The following MICALL2 variants were observed in gnomAD, a reference collection of about 807,000 sequenced individuals.
The protein encoded by MICALL2 is MICAL like 2.
MICALL2 carries 111 observed loss-of-function variants against 91.1 expected under a neutral mutation model. The observed-to-expected ratio is 1.22, with a 90% CI of 1.04 to 1.43. The LOEUF is 1.43. MICALL2 is among the 40% of genes most tolerant of loss of function. The pLI is 0.00. For missense variants in MICALL2, 1,556 were observed against 1,236.0 expected, an observed-to-expected ratio of 1.26 and a Z score of -3.88; for synonymous variants, 694 against 525.3, an observed-to-expected ratio of 1.32 and a Z score of -4.39.
At chr7:1,443,668 G>A (rs562856006) in intron 6 of MICALL2, among the ~76,000 whole-genome samples, 1 of 152,292 alleles carries the variant, frequency 6.6e-6, no homozygotes, top group African/African-American at 2.4e-5. Context: ...CATGGAAACG[G>A]AGGCAGAGAC....
In MICALL2 at chr7:1,444,865, T is replaced by G. The variant is rs376714028; in HGVS notation, c.1205A>C (p.Asp402Ala). 70 of 1,599,306 alleles carry G rather than the reference T, an allele frequency of 4.4e-5. No homozygotes were observed. In the South Asian group the frequency reaches 7.6e-4, roughly 17 times the overall value. ...SSSSTSAATV[D>A]PPAWTPSASR... The stretch of plus-strand genomic sequence containing the variant: ...GGCGGACGGGGTCCAGGCTGGGGGG[T>G]CCACCGTGGCTGCAGATGTGGAGCT... The change falls in exon 6 of 17, where the codon GAC becomes GCC. Residue 402 changes from aspartate (D) to alanine (A), a missense_variant. Physicochemically the swap from Asp to Ala is moderately radical, Grantham distance 126. Transcript: ENST00000297508.
intron 5 of MICALL2, 115 bp from the exon 6 acceptor site, chr7:1,445,543 T>C: frequency 9.8e-7 from 1 of 1,022,918 alleles, no homozygotes; most frequent in Non-Finnish European, 1.4e-6. Context: ...GCGAGGTTGC[T>C]GAACGCCCGC....
chr7:1,440,699 A>C lies in MICALL2; in HGVS notation c.1712-15T>G. 6.2e-7 allele frequency: 1 copy of C among 1,606,138 alleles called. No individual in the cohort carries two copies. Among genetic ancestry groups the C allele is most frequent in the Non-Finnish European group, 8.5e-7 (1 of 1,176,646 alleles). ...GGTGCTCATGTCTGGGTGGGAGGCAAGGGGTCTGGGTGTGAGGAAGGAGTG... is the reference window on the plus strand; with the variant it reads ...GGTGCTCATGTCTGGGTGGGAGGCACGGGGTCTGGGTGTGAGGAAGGAGTG... On this transcript the variant is annotated splice_polypyrimidine_tract_variant and intron_variant, in intron 7 of 16. Transcript: ENST00000297508.
chr7:1,440,667 G>T lies in MICALL2; in HGVS notation c.1729C>A (p.Gln577Lys). ...TLTQDMSTSL[Q>K]EGQEDGPAGW... ...GCCGGCCCGTCCTCCTGGCCTTCCTGGAGGCTGGTGCTCATGTCTGGGTGG... is the reference window on the plus strand; with the variant it reads ...GCCGGCCCGTCCTCCTGGCCTTCCTTGAGGCTGGTGCTCATGTCTGGGTGG... The change falls in exon 8 of 17, where the codon CAG becomes AAG. Residue 577 changes from glutamine to lysine, a missense_variant. Transcript: ENST00000297508. 6.2e-7 allele frequency: 1 copy of T among 1,612,114 alleles called. No individual in the cohort carries two copies. The highest frequency in any genetic ancestry group is 2.2e-5 in the East Asian group (1 of 44,874).
Position 1,440,596 on chromosome 7 carries a change from A to G in MICALL2, c.1800T>C (p.Ala600=). 6.2e-7 allele frequency: 1 copy of G among 1,612,606 alleles called. No homozygotes were observed. Among genetic ancestry groups the G allele is most frequent in the Non-Finnish European group, 8.5e-7 (1 of 1,179,810 alleles). The change falls in exon 8 of 17, where the codon GCT becomes GCC. Residue 600 remains alanine (A), a synonymous_variant. Coordinates refer to ENST00000297508, the MANE Select transcript of MICALL2 (RefSeq NM_182924.4). ...NLKPVDRRSP[A]ERTLKPKEPR... ...CAGCCCCACCCATCCCTAACCTCTC[A>G]GCTGGGCTTCTCCTGTCCACGGGCT...
Position 1,440,642 on chromosome 7 carries a change from G to C in MICALL2, c.1754C>G (p.Ala585Gly), listed in dbSNP as rs777584378. Residue 585 changes from alanine (A) to glycine (G), a missense_variant, in exon 8 of 17, where the codon GCA becomes GGA. Physicochemically the swap from Ala to Gly is moderately conservative, Grantham distance 60 (BLOSUM62 0). Transcript: ENST00000297508. ...SLQEGQEDGP[A>G]GWRANLKPVD... ...GGGCTTCAGATTCGCTCTCCATCCT[G>C]CCGGCCCGTCCTCCTGGCCTTCCTG... 1 of 1,612,620 alleles carries C rather than the reference G, an allele frequency of 6.2e-7. No individual in the cohort carries two copies. Among genetic ancestry groups the C allele is most frequent in the Non-Finnish European group, 8.5e-7 (1 of 1,179,954 alleles).
At chr7:1,446,541 AGGAGGCGGGAGGAGG>A in intron 5 of MICALL2, 157 bp downstream of exon 5, 1 of 503,422 alleles carries the variant, frequency 2.0e-6, no homozygotes, top group Non-Finnish European at 3.6e-6. Context: ...AGGAGAGGGG[AGGAGGCGGGAGGAGG>A]GGAGACGGGG....
At chr7:1,436,397 C>CAAAAACAAAAAT (rs2128518659) in intron 15 of MICALL2, among the ~76,000 whole-genome samples, 1 of 148,826 alleles carries the variant, frequency 6.7e-6, no homozygotes, top group African/African-American at 2.5e-5. Context: ...AAAACAAAAA[C>CAAAAACAAAAAT]AAAAAATTAG....
In MICALL2 at chr7:1,437,604, T is replaced by C; in HGVS notation, c.2407A>G (p.Lys803Glu). ...RQESELMYKS[K>E]AQRLEEQQLD... ...TGCTGCTCCTCCAGACGCTGGGCCT[T>C]GGACCTGCCGCACAGACACGCGTCT... The change falls in exon 14 of 17, where the codon AAG becomes GAG. Residue 803 changes from lysine to glutamate, a missense_variant. Lys to Glu is a moderately conservative substitution (Grantham distance 56). Coordinates refer to ENST00000297508, the MANE Select transcript of MICALL2 (RefSeq NM_182924.4). The C allele has an allele frequency of 6.5e-7, 1 of 1,539,400 alleles. No homozygotes were observed.
At chr7:1,455,596 C>T (rs764322662) in intron 1 of MICALL2, among the ~76,000 whole-genome samples, 11 of 147,766 alleles carry the variant, frequency 7.4e-5, no homozygotes, top group South Asian at 2.1e-4. Context: ...CTCAAGGAGC[C>T]GGAACATGGT....
chr7:1,439,835 G>A (rs939078275), intron 9 of MICALL2, 90 bp downstream of exon 9: 4 of 1,151,284 alleles, frequency 3.5e-6, no homozygotes, highest in South Asian at 2.1e-5. Flanking sequence ...ACCCCAGGAG[G>A]TGGCACTACA....
chr7:1,446,123 C>T (rs1584221222), intron 5 of MICALL2, among the ~76,000 whole-genome samples: 1 of 118,482 alleles, frequency 8.4e-6, no homozygotes, highest in Middle Eastern at 4.0e-3. Context: ...ACATCTTGGG[C>T]TATCAGCAAC....
intron 5 of MICALL2, 111 bp downstream of exon 5, chr7:1,446,602 A>AGAGGAAC: frequency 3.4e-6 from 2 of 585,432 alleles, no homozygotes; most frequent in Non-Finnish European, 2.9e-6. Context: ...GGGAGAGGGG[A>AGAGGAAC]GAGGAACGAG....
chr7:1,453,062 C>T (rs2128525432), intron 1 of MICALL2, among the ~76,000 whole-genome samples: 1 of 152,000 alleles, frequency 6.6e-6, no homozygotes, highest in African/African-American at 2.4e-5. Context: ...CTCAGGGGCC[C>T]GATGCTGGCA....
At position 1,448,668 on chromosome 7, in the gene MICALL2, A is replaced by G; in HGVS notation, c.286T>C (p.Leu96=). The G allele has an allele frequency of 6.2e-7, 1 of 1,612,800 alleles. No individual in the cohort carries two copies. The change falls in exon 3 of 17, where the codon TTG becomes CTG. Residue 96 remains leucine (L), a synonymous_variant. Transcript: ENST00000297508. ...TTGTAATACTGGGACACGTAGGTCA[A>G]GATGCTCAGCCGGTCAGGCACCTTC... ...ALKVPDRLSI[L]TYVSQYYNYF...
At chr7:1,437,209 T>G (rs1420726074) in intron 14 of MICALL2, 1 of 492,508 alleles carries the variant, frequency 2.0e-6, no homozygotes, top group Non-Finnish European at 3.5e-6. Context: ...ACGAGACAAA[T>G]GCCTATGGCT....
intron 15 of MICALL2, among the ~76,000 whole-genome samples, chr7:1,435,862 T>C (rs944840602): frequency 5.9e-5 from 9 of 151,352 alleles, no homozygotes; most frequent in Non-Finnish European, 8.8e-5. Context: ...CCATCCTGGC[T>C]AACATGGGGA....
chr7:1,440,970 G>A (rs908451490), intron 7 of MICALL2: 6 of 445,704 alleles, frequency 1.3e-5, no homozygotes, highest in East Asian at 9.2e-5. Context: ...TGAGCCCCGT[G>A]GACCCTGATC....
chr7:1,454,493 G>A (rs1780943542), intron 1 of MICALL2, among the ~76,000 whole-genome samples: 1 of 152,152 alleles, frequency 6.6e-6, no homozygotes, highest in Non-Finnish European at 1.5e-5. Flanking sequence ...GGGAGGGGAG[G>A]CCGCAGAGCC....
Sources: gnomAD v4.1 joint callset for allele counts (sites outside exome capture counted in the v4.1 genomes callset) on GRCh38, gnomAD v4.1.1 for gene constraint, MANE v1.5 for transcripts, NCBI Gene and HGNC (gene_info 2026-07-23, HGNC 2026-07-21) for gene names.